Variants in LRRTM3 observed in about 807,000 individuals in gnomAD.
The protein encoded by LRRTM3 is leucine-rich repeat transmembrane neuronal protein 3.
LRRTM3 carries 24 observed loss-of-function variants against 44.7 expected under a neutral mutation model. That is an observed-to-expected ratio of 0.54 (90% CI 0.39 to 0.76). LRRTM3 has a LOEUF of 0.76. LRRTM3 is among the 30% of genes least tolerant of loss of function. LRRTM3 has a pLI of 0.00. For synonymous variants in LRRTM3, 277 were observed against 278.7 expected, an observed-to-expected ratio of 0.99 and a Z score of 0.06; for missense variants, 587 against 702.2, an observed-to-expected ratio of 0.84 and a Z score of 1.85.
At chr10:66,987,051 A>T (rs539281405) in intron 2 of LRRTM3, among the ~76,000 whole-genome samples, 53 of 152,280 alleles carry the variant, frequency 3.5e-4, no homozygotes, top group Middle Eastern at 3.4e-3. Flanking sequence ...GATTTTCTGG[A>T]GAGAAAGAAT....
chr10:66,963,147 C>T (rs573828438), intron 2 of LRRTM3, among the ~76,000 whole-genome samples: 2 of 152,274 alleles, frequency 1.3e-5, no homozygotes, highest in South Asian at 2.1e-4. Context: ...AAAGCTAGTA[C>T]TTACAGTATT....
intron 2 of LRRTM3, among the ~76,000 whole-genome samples, chr10:66,988,124 AAGC>A (rs754025298): frequency 1.3e-5 from 2 of 152,156 alleles, no homozygotes; most frequent in Non-Finnish European, 2.9e-5. Context: ...GACAGAAACT[AAGC>A]TCAAATTTCC....
At position 67,087,608 on chromosome 10, in the gene LRRTM3, G is replaced by C. The variant is rs367916088; in HGVS notation, c.1537-9979G>C. ...TAGTTAAAATCAAATAAAAAATAAA[G>C]TGGATCTCAAACATCATAATGCAGT... On this transcript the variant is annotated intron_variant, in intron 2 of 2. Coordinates refer to ENST00000361320, the MANE Select transcript of LRRTM3 (RefSeq NM_178011.5). Among the ~76,000 whole-genome samples the C allele has an allele frequency of 4.8e-4, 73 of 151,912 alleles. 2 individuals are homozygous for C. The South Asian group carries it at 0.015, about 31-fold the overall frequency.
chr10:66,985,257 T>C (rs1850666215), intron 2 of LRRTM3, among the ~76,000 whole-genome samples: 1 of 152,214 alleles, frequency 6.6e-6, no homozygotes, highest in Non-Finnish European at 1.5e-5. Context: ...TAGTGATTAT[T>C]TATTGTTATA....
Position 67,097,683 on chromosome 10 carries a change from T to C in LRRTM3, c.1633T>C (p.Phe545Leu), listed in dbSNP as rs1463461679. 3 of 1,612,636 alleles carry C rather than the reference T, an allele frequency of 1.9e-6. No homozygotes were observed. The African/African-American group carries it at 4.0e-5, about 22-fold the overall frequency. The change falls in exon 3 of 3, where the codon TTT becomes CTT. Residue 545 changes from phenylalanine (F) to leucine (L), a missense_variant. Around this residue, in one of 3 missense-constraint regions of LRRTM3, gnomAD observed 315 missense variants for 335.6 expected, o/e 0.94. Coordinates refer to ENST00000361320, the MANE Select transcript of LRRTM3 (RefSeq NM_178011.5). ...TCATGAACTTCTCTCCCATAAGTCC[T>C]TTGAAACGAATGCACAGGAAGATAC... Reference protein sequence around the residue: ...VHHELLSHKSFETNAQEDTME... With the variant: ...VHHELLSHKSLETNAQEDTME...
intron 2 of LRRTM3, among the ~76,000 whole-genome samples, chr10:67,022,031 A>G (rs1176256060): frequency 6.6e-6 from 1 of 152,202 alleles, no homozygotes; most frequent in East Asian, 1.9e-4. Flanking sequence ...TTTCCTACGC[A>G]TTTGGAAGTA....
chr10:66,981,703 G>C (rs1264611642), intron 2 of LRRTM3, among the ~76,000 whole-genome samples: 1 of 152,174 alleles, frequency 6.6e-6, no homozygotes. Context: ...CAAATGGATG[G>C]AACCTATTAA....
intron 2 of LRRTM3, among the ~76,000 whole-genome samples, chr10:66,980,105 G>T (rs1356159627): frequency 6.6e-6 from 1 of 152,112 alleles, no homozygotes; most frequent in African/African-American, 2.4e-5. Flanking sequence ...GTATTTCCTG[G>T]TTACTAATCA....
chr10:66,982,077 T>C (rs942788), intron 2 of LRRTM3, among the ~76,000 whole-genome samples: 128,574 of 152,150 alleles, frequency 0.85, 54,659 homozygotes, highest in East Asian at 1. Context: ...ATTAGATAGA[T>C]GAGAATTCCA....
chr10:67,086,207 T>C (rs1857299984), intron 2 of LRRTM3, among the ~76,000 whole-genome samples: 1 of 151,972 alleles, frequency 6.6e-6, no homozygotes, highest in South Asian at 2.1e-4. Context: ...TTGAAGAAAT[T>C]CATAGCAATA....
At chr10:66,991,397 T>G (rs187290258) in intron 2 of LRRTM3, among the ~76,000 whole-genome samples, 1 of 152,318 alleles carries the variant, frequency 6.6e-6, no homozygotes, top group East Asian at 1.9e-4. Context: ...AATAGCCTAC[T>G]CAGAAAATTA....
intron 2 of LRRTM3, among the ~76,000 whole-genome samples, chr10:66,994,179 T>C (rs994675652): frequency 1.3e-5 from 2 of 151,928 alleles, no homozygotes; most frequent in African/African-American, 4.8e-5. Context: ...TAAAAACCAG[T>C]AAGTAATGTA....
chr10:67,081,853 T>C (rs972053676), intron 2 of LRRTM3, among the ~76,000 whole-genome samples: 1 of 152,206 alleles, frequency 6.6e-6, no homozygotes, highest in Non-Finnish European at 1.5e-5. Context: ...GATCATGCCC[T>C]CCTCTGGAGC....
chr10:66,944,184 TGCTTC>T lies in LRRTM3; in HGVS notation c.1536+15733_1536+15737del, dbSNP rs1193307574. 2.6e-5 allele frequency among the ~76,000 whole-genome samples: 4 copies of T among 152,226 alleles called. No individual in the cohort carries two copies. The East Asian group carries it at 7.7e-4, about 29-fold the overall frequency. On this transcript the variant is annotated intron_variant, in intron 2 of 2. Coordinates refer to ENST00000361320, the MANE Select transcript of LRRTM3 (RefSeq NM_178011.5). Reference sequence around the variant, plus strand: ...AGTCAATCCTCTCAAACTCTGCCACTGCTTCATCAAATAAGTTTATAAGTTTATGA... The same window carrying T: ...AGTCAATCCTCTCAAACTCTGCCACTATCAAATAAGTTTATAAGTTTATGA...
intron 2 of LRRTM3, among the ~76,000 whole-genome samples, chr10:67,031,720 C>T (rs534749922): frequency 5.4e-4 from 82 of 152,138 alleles, no homozygotes; most frequent in Middle Eastern, 6.8e-3. Flanking sequence ...CCTTAGTTTC[C>T]GCTCAAAGAT....
intron 2 of LRRTM3, among the ~76,000 whole-genome samples, chr10:67,066,535 CAA>C (rs57093251): frequency 1.1e-3 from 91 of 80,100 alleles, no homozygotes; most frequent in African/African-American, 1.8e-3. Flanking sequence ...CAGTTCTTGA[CAA>C]AAAAAAAAAA....
At chr10:67,017,182 T>C (rs1356844895) in intron 2 of LRRTM3, among the ~76,000 whole-genome samples, 1 of 152,194 alleles carries the variant, frequency 6.6e-6, no homozygotes, top group Non-Finnish European at 1.5e-5. Context: ...TTTTGTGATT[T>C]CCAAAGTGTT....
intron 2 of LRRTM3, among the ~76,000 whole-genome samples, chr10:67,028,660 A>G (rs975076490): frequency 3.3e-5 from 5 of 151,934 alleles, no homozygotes; most frequent in African/African-American, 1.2e-4. Context: ...AAAAAAAAAA[A>G]AAAAAGTTCT....
intron 2 of LRRTM3, among the ~76,000 whole-genome samples, chr10:67,083,132 T>C (rs928588414): frequency 6.6e-6 from 1 of 152,060 alleles, no homozygotes; most frequent in African/African-American, 2.4e-5. Context: ...TTTTAAACTT[T>C]GAATCCCTTT....
Sources: gnomAD v4.1 joint callset for allele counts (sites outside exome capture counted in the v4.1 genomes callset) on GRCh38, gnomAD v4.1.1 for gene constraint, gnomAD v4.1.1 regional missense constraint, MANE v1.5 for transcripts, NCBI Gene and HGNC (gene_info 2026-07-23, HGNC 2026-07-21) for gene names.